SLC22A25: variants seen among roughly 807,000 people sequenced by gnomAD.
The protein encoded by SLC22A25 is solute carrier family 22 member 25.
SLC22A25 carries 44 observed loss-of-function variants against 45.9 expected under a neutral mutation model. That is an observed-to-expected ratio of 0.96 (90% CI 0.75 to 1.23). SLC22A25 has a LOEUF of 1.23. SLC22A25 is among the 50% of genes most tolerant of loss of function. The pLI is 0.00. For synonymous variants in SLC22A25, 283 were observed against 238.6 expected, an observed-to-expected ratio of 1.19 and a Z score of -1.72; for missense variants, 800 against 666.4, an observed-to-expected ratio of 1.20 and a Z score of -2.21.
chr11:63,239,919 A>G (rs530769719), intron 1 of SLC22A25, among the ~76,000 whole-genome samples: 39 of 152,314 alleles, frequency 2.6e-4, no homozygotes, highest in Non-Finnish European at 4.7e-4. Flanking sequence ...ACACTCTGAT[A>G]TAAAATGTTC....
chr11:63,215,188 C>T (rs531647778), intron 7 of SLC22A25, among the ~76,000 whole-genome samples: 1 of 152,246 alleles, frequency 6.6e-6, no homozygotes, highest in South Asian at 2.1e-4. Flanking sequence ...AACCCAAATG[C>T]CCATCAGTGA....
intron 3 of SLC22A25, among the ~76,000 whole-genome samples, chr11:63,236,159 C>T (rs990594051): frequency 6.6e-6 from 1 of 152,214 alleles, no homozygotes; most frequent in Admixed American, 6.5e-5. Context: ...AACCACTACT[C>T]TCTTCAAAGC....
intron 7 of SLC22A25, among the ~76,000 whole-genome samples, chr11:63,187,833 A>G (rs1051081227): frequency 2.0e-5 from 3 of 152,166 alleles, no homozygotes; most frequent in Non-Finnish European, 4.4e-5. Context: ...TTCTCTTTAT[A>G]TGCTGGATTA....
At chr11:63,209,325 GA>G (rs2089495344) in intron 7 of SLC22A25, among the ~76,000 whole-genome samples, 1 of 152,128 alleles carries the variant, frequency 6.6e-6, no homozygotes, top group Admixed American at 6.5e-5. Flanking sequence ...CATCTCCCAG[GA>G]AAAGGAATCC....
intron 7 of SLC22A25, among the ~76,000 whole-genome samples, chr11:63,189,331 G>T (rs2088699054): frequency 1.3e-5 from 2 of 152,066 alleles, no homozygotes; most frequent in Non-Finnish European, 2.9e-5. Context: ...ATCATTGTTG[G>T]TTTAAAGTCT....
chr11:63,240,814 T>C (rs2090235620), intron 1 of SLC22A25, among the ~76,000 whole-genome samples: 1 of 152,186 alleles, frequency 6.6e-6, no homozygotes, highest in Non-Finnish European at 1.5e-5. Flanking sequence ...GGTTGTCATC[T>C]CCTGTGAGAG....
Position 63,232,644 on chromosome 11 carries a change from G to A in SLC22A25, c.-444-2548C>T, listed in dbSNP as rs186743765. ...CTTTATTCCCTTCTCCTGCCTGATT[G>A]CCCTGGCCAGAACTTCCAACACTAT... On this transcript the variant is annotated intron_variant, in intron 3 of 11. Transcript: ENST00000306494. Among the ~76,000 whole-genome samples the A allele has an allele frequency of 1.2e-3, 180 of 152,148 alleles. 3 individuals carry two copies. The East Asian group carries it at 0.029, about 25-fold the overall frequency.
chr11:63,242,451 A>T (rs914682036), intron 1 of SLC22A25, among the ~76,000 whole-genome samples: 4 of 152,216 alleles, frequency 2.6e-5, no homozygotes, highest in Non-Finnish European at 5.9e-5. Context: ...CCCATCTAAG[A>T]ATAGTGTCAT....
At chr11:63,192,392 G>A (rs2088848062) in intron 7 of SLC22A25, among the ~76,000 whole-genome samples, 1 of 152,048 alleles carries the variant, frequency 6.6e-6, no homozygotes, top group Non-Finnish European at 1.5e-5. Context: ...ACACACTGAA[G>A]TACACAGGAC....
rs1174627220 is a variant in SLC22A25 at position 63,217,454 on chromosome 11, A to G, written c.690T>C (p.Cys230=). ...LIVEWITHQF[C]AMALTLTLCA... is the part of the protein sequence containing the mutation. ...AAAGTGTCAATGTCAATGCCATGGC[A>G]CAGAATTGGTGAGTTATCCACTCTA... is the stretch of plus-strand genomic sequence containing the variant. The change falls in exon 7 of 12, where the codon TGT becomes TGC. Residue 230 remains cysteine (C), a synonymous_variant. Transcript: ENST00000306494. 3.7e-6 allele frequency: 6 copies of G among 1,614,104 alleles called. No individual in the cohort carries two copies. Among genetic ancestry groups the G allele is most frequent in the Non-Finnish European group, 4.2e-6 (5 of 1,180,008 alleles).
chr11:63,177,480 T>G (rs74752571), intron 9 of SLC22A25, among the ~76,000 whole-genome samples: 2,748 of 152,042 alleles, frequency 0.018, 72 homozygotes, highest in African/African-American at 0.051. Flanking sequence ...TAACTATTGT[T>G]TTACTGAAAA....
intron 9 of SLC22A25, among the ~76,000 whole-genome samples, chr11:63,173,899 C>CTTTTT (rs561742765): frequency 7.1e-6 from 1 of 140,724 alleles, no homozygotes; most frequent in Non-Finnish European, 1.6e-5. Flanking sequence ...ATTTTCTTTT[C>CTTTTT]TTTTTTTTTT....
intron 7 of SLC22A25, among the ~76,000 whole-genome samples, chr11:63,195,262 C>G (rs2088978647): frequency 6.6e-6 from 1 of 152,134 alleles, no homozygotes; most frequent in African/African-American, 2.4e-5. Context: ...ACCTAATAGA[C>G]ATCTACAGAA....
chr11:63,239,522 C>A (rs1565132560), intron 1 of SLC22A25, among the ~76,000 whole-genome samples: 1 of 152,122 alleles, frequency 6.6e-6, no homozygotes, highest in Non-Finnish European at 1.5e-5. Flanking sequence ...TTGTGACAAT[C>A]AAAAGGGATG....
Position 63,222,129 on chromosome 11 carries a change from T to C in SLC22A25, c.507-4394A>G, listed in dbSNP as rs145400553. Among the ~76,000 whole-genome samples, 284 of 152,290 alleles carry C rather than the reference T, an allele frequency of 1.9e-3. 2 individuals are homozygous for C. Among genetic ancestry groups the C allele is most frequent in the Non-Finnish European group, 3.5e-3 (240 of 67,998 alleles). On this transcript the variant is annotated intron_variant, in intron 5 of 11. Coordinates refer to ENST00000306494, the MANE Select transcript of SLC22A25 (RefSeq NM_199352.6). ...CTATTCTGGGTCTTTTGTGGTTTCA[T>C]ATATAGTTTAGAATTGTGTTTTCTA... is the stretch of plus-strand genomic sequence containing the variant.
At chr11:63,182,851 G>A (rs1206115435) in intron 8 of SLC22A25, among the ~76,000 whole-genome samples, 1 of 151,946 alleles carries the variant, frequency 6.6e-6, no homozygotes, top group African/African-American at 2.4e-5. Context: ...GTCCTCTCCT[G>A]TTTCAGTAAA....
At chr11:63,172,340 T>C (rs374960294) in intron 9 of SLC22A25, among the ~76,000 whole-genome samples, 35 of 152,152 alleles carry the variant, frequency 2.3e-4, no homozygotes, top group African/African-American at 7.2e-4. Context: ...AAAGAAACTA[T>C]CATCAGAGTG....
At chr11:63,212,287 T>C (rs1304648278) in intron 7 of SLC22A25, among the ~76,000 whole-genome samples, 1 of 151,960 alleles carries the variant, frequency 6.6e-6, no homozygotes, top group Non-Finnish European at 1.5e-5. Context: ...GAACTAGAAA[T>C]ACCATTTGAC....
chr11:63,208,550 G>GGTAGGA (rs1246407312), intron 7 of SLC22A25, among the ~76,000 whole-genome samples: 2 of 152,138 alleles, frequency 1.3e-5, no homozygotes, highest in African/African-American at 4.8e-5. Flanking sequence ...GAAGTCCTGG[G>GGTAGGA]GTAGGAGTGG....
Sources: gnomAD v4.1 joint callset for allele counts (sites outside exome capture counted in the v4.1 genomes callset) on GRCh38, gnomAD v4.1.1 for gene constraint, MANE v1.5 for transcripts, NCBI Gene and HGNC (gene_info 2026-07-23, HGNC 2026-07-21) for gene names.